Variants in ZC2HC1B observed in about 807,000 individuals in gnomAD.
The protein encoded by ZC2HC1B is zinc finger C2HC domain-containing protein 1B.
ZC2HC1B carries 36 observed loss-of-function variants against 31.0 expected under a neutral mutation model. The observed-to-expected ratio is 1.16, with a 90% CI of 0.89 to 1.54. The LOEUF (loss-of-function observed/expected upper bound fraction) is 1.54. Among genes scored for constraint, ZC2HC1B ranks in the 40% most tolerant of loss-of-function variants. The probability of loss-of-function intolerance (pLI) is 0.00; values close to 1 mark genes in which losing one functional copy is unlikely to be tolerated. For synonymous variants in ZC2HC1B, 73 were observed against 88.0 expected, an observed-to-expected ratio of 0.83 and a Z score of 0.95; for missense variants, 260 against 268.6, an observed-to-expected ratio of 0.97 and a Z score of 0.22.
Position 143,915,261 on chromosome 6 carries a change from T to A in ZC2HC1B, c.598+12109T>A, listed in dbSNP as rs994555522. On this transcript the variant is annotated intron_variant, in intron 6 of 7. Coordinates refer to ENST00000237275, the MANE Select transcript of ZC2HC1B (RefSeq NM_001013623.3). The surrounding 1 kb of genome is among the most constrained non-coding windows in gnomAD (Gnocchi z 5.2). ...TAAAAAGAGGAGTTCCCCTGCACAA[T>A]CTCTGTGGTCTCTTTGCTGCCATGT... 3.3e-5 allele frequency among the ~76,000 whole-genome samples: 5 copies of A among 152,196 alleles called. No homozygotes were observed. The highest frequency in any genetic ancestry group is 1.3e-4 in the Admixed American group (2 of 15,276).
Position 143,933,853 on chromosome 6 carries a change from GC to G in ZC2HC1B, c.599-3791del, listed in dbSNP as rs1018087803. 2.0e-5 allele frequency among the ~76,000 whole-genome samples: 3 copies of G among 152,148 alleles called. No homozygotes were observed. Among genetic ancestry groups the G allele is most frequent in the Non-Finnish European group, 2.9e-5 (2 of 68,028 alleles). On this transcript the variant is annotated intron_variant, in intron 6 of 7. Transcript: ENST00000237275. This position sits in a 1 kb window ranked among gnomAD's most constrained non-coding sequence, Gnocchi z 6.4. ...GTGCTTTCTGCAACAGTTCCTGTTT[GC>G]CCCCAGATTCTTCTCAAGAGGGTTT...
In ZC2HC1B at chr6:143,933,473, G is replaced by C. The variant is rs952762432; in HGVS notation, c.599-4176G>C. ...ATACTATCAGGTGCAGGCAGGATTA[G>C]GTAGGTTTGAGCTCAGACTCTCCTT... On this transcript the variant is annotated intron_variant, in intron 6 of 7. Transcript: ENST00000237275. This position sits in a 1 kb window ranked among gnomAD's most constrained non-coding sequence, Gnocchi z 6.4. Among the ~76,000 whole-genome samples the C allele has an allele frequency of 1.3e-5, 2 of 152,146 alleles. No individual in the cohort carries two copies. Among genetic ancestry groups the C allele is most frequent in the African/African-American group, 2.4e-5 (1 of 41,424 alleles).
intron 6 of ZC2HC1B, among the ~76,000 whole-genome samples, chr6:143,920,705 C>G (rs1207037770): frequency 2.0e-5 from 3 of 151,914 alleles, no homozygotes; most frequent in Non-Finnish European, 2.9e-5. Context: ...GTCAGGAGAT[C>G]GAGACCATCC....
chr6:143,876,511 C>A lies in ZC2HC1B; in HGVS notation c.29-7793C>A, dbSNP rs181335619. ...TATTAAGCAGCCAACTCCAGAAACC[C>A]CAAAACCAATGAAAGAACCCCATTC... On this transcript the variant is annotated intron_variant, in intron 1 of 7. Coordinates refer to ENST00000237275, the MANE Select transcript of ZC2HC1B (RefSeq NM_001013623.3). Among the ~76,000 whole-genome samples the A allele has an allele frequency of 3.3e-5, 5 of 150,416 alleles. No individual in the cohort carries two copies. The East Asian group carries it at 7.7e-4, about 23-fold the overall frequency.
intron 6 of ZC2HC1B, among the ~76,000 whole-genome samples, chr6:143,919,945 GT>G (rs2128496814): frequency 6.6e-6 from 1 of 152,122 alleles, no homozygotes; most frequent in Admixed American, 6.5e-5. Flanking sequence ...CAAGTAATTA[GT>G]TTTTTCCTCA....
rs187460950 is a variant in ZC2HC1B, at chr6:143,895,946, G to A, written c.350-2606G>A. Among the ~76,000 whole-genome samples the A allele has an allele frequency of 2.0e-5, 3 of 152,278 alleles. No individual in the cohort carries two copies. Among genetic ancestry groups the A allele is most frequent in the Non-Finnish European group, 4.4e-5 (3 of 68,012 alleles). ...TAGAGGAAGAGAGGTGACTCCGATT[G>A]AGCTGAGTGTAGAACATGTAGCTCA... On this transcript the variant is annotated intron_variant, in intron 4 of 7. Transcript: ENST00000237275. This position sits in a 1 kb window ranked among gnomAD's most constrained non-coding sequence, Gnocchi z 4.8.
Position 143,870,026 on chromosome 6 carries a change from C to T in ZC2HC1B, c.28+5459C>T, listed in dbSNP as rs1008869690. On this transcript the variant is annotated intron_variant, in intron 1 of 7. Coordinates refer to ENST00000237275, the MANE Select transcript of ZC2HC1B (RefSeq NM_001013623.3). The surrounding 1 kb of genome is among the most constrained non-coding windows in gnomAD (Gnocchi z 4.7). ...ATACAAATATCTTTCCAGTTTTTGA[C>T]CACTCAGAGAGGTCCATCCACATAC... Among the ~76,000 whole-genome samples, 2 of 152,200 alleles carry T rather than the reference C, an allele frequency of 1.3e-5. No individual in the cohort carries two copies. Among genetic ancestry groups the T allele is most frequent in the African/African-American group, 4.8e-5 (2 of 41,438 alleles).
chr6:143,870,318 G>A lies in ZC2HC1B; in HGVS notation c.28+5751G>A, dbSNP rs768872335. ...AAAGGCAGCTGTCCACTTTTGGGTG[G>A]TGCCTCCATATTGTGCAGAACCATC... On this transcript the variant is annotated intron_variant, in intron 1 of 7. Transcript: ENST00000237275. This position sits in a 1 kb window ranked among gnomAD's most constrained non-coding sequence, Gnocchi z 4.7. 2.6e-5 allele frequency among the ~76,000 whole-genome samples: 4 copies of A among 152,138 alleles called. No individual in the cohort carries two copies. The highest frequency in any genetic ancestry group is 5.9e-5 in the Non-Finnish European group (4 of 68,024).
At chr6:143,935,133 C>CTGG (rs1221723970) in intron 6 of ZC2HC1B, among the ~76,000 whole-genome samples, 1 of 82,978 alleles carries the variant, frequency 1.2e-5, no homozygotes, top group Non-Finnish European at 2.3e-5. Context: ...GCTGCAGATG[C>CTGG]TGGTGGTGGT....
chr6:143,871,626 C>A lies in ZC2HC1B; in HGVS notation c.28+7059C>A, dbSNP rs1397927927. 6.6e-6 allele frequency among the ~76,000 whole-genome samples: 1 copy of A among 152,180 alleles called. No homozygotes were observed. The highest frequency in any genetic ancestry group is 1.9e-4 in the East Asian group (1 of 5,198). On this transcript the variant is annotated intron_variant, in intron 1 of 7. Coordinates refer to ENST00000237275, the MANE Select transcript of ZC2HC1B (RefSeq NM_001013623.3). The surrounding 1 kb of genome is among the most constrained non-coding windows in gnomAD (Gnocchi z 4.1). ...GCACAGGCCAAATGGGAGAGTTGAA[C>A]AGGGATGTGGTAGGAATCACCACCC...
rs1777354258 is a variant in ZC2HC1B at position 143,872,605 on chromosome 6, G to GA, written c.28+8043dup. Among the ~76,000 whole-genome samples the GA allele has an allele frequency of 6.6e-6, 1 of 152,146 alleles. No homozygotes were observed. Among genetic ancestry groups the GA allele is most frequent in the African/African-American group, 2.4e-5 (1 of 41,424 alleles). On this transcript the variant is annotated intron_variant, in intron 1 of 7. Transcript: ENST00000237275. This position sits in a 1 kb window ranked among gnomAD's most constrained non-coding sequence, Gnocchi z 5.5. ...ATAAAGACATACCTGAGACTGGGAA[G>GA]AAAAAGAGGTTTAATCAGACTTACA...
At position 143,922,369 on chromosome 6, in the gene ZC2HC1B, A is replaced by G. The variant is rs1443017865; in HGVS notation, c.599-15280A>G. On this transcript the variant is annotated intron_variant, in intron 6 of 7. Coordinates refer to ENST00000237275, the MANE Select transcript of ZC2HC1B (RefSeq NM_001013623.3). This position sits in a 1 kb window ranked among gnomAD's most constrained non-coding sequence, Gnocchi z 5.0. ...CCAGTTATTCTGAAATATGGAATAT[A>G]TTGTTGTTAACTGCAGTCACCCTAC... 6.6e-6 allele frequency among the ~76,000 whole-genome samples: 1 copy of G among 152,188 alleles called. No homozygotes were observed. The highest frequency in any genetic ancestry group is 2.4e-5 in the African/African-American group (1 of 41,458).
At chr6:143,882,299 C>T (rs1322217230) in intron 1 of ZC2HC1B, among the ~76,000 whole-genome samples, 10 of 130,946 alleles carry the variant, frequency 7.6e-5, no homozygotes, top group Admixed American at 7.0e-4. Context: ...GTTGTGGTAC[C>T]CTTGCTTAAA....
At chr6:143,893,350 A>G (rs1777622084) in intron 4 of ZC2HC1B, among the ~76,000 whole-genome samples, 1 of 152,132 alleles carries the variant, frequency 6.6e-6, no homozygotes, top group Non-Finnish European at 1.5e-5. Flanking sequence ...GGATCCCTTG[A>G]GGCCGGGAGT....
At position 143,917,963 on chromosome 6, in the gene ZC2HC1B, C is replaced by T. The variant is rs1777938051; in HGVS notation, c.598+14811C>T. ...GAAAACAAAAAAGTGGAGTTGCAAA[C>T]CATTATTACAATAGTACTAGCTTTT... On this transcript the variant is annotated intron_variant, in intron 6 of 7. Coordinates refer to ENST00000237275, the MANE Select transcript of ZC2HC1B (RefSeq NM_001013623.3). The surrounding 1 kb of genome is among the most constrained non-coding windows in gnomAD (Gnocchi z 4.1). Among the ~76,000 whole-genome samples, 1 of 152,166 alleles carries T rather than the reference C, an allele frequency of 6.6e-6. No individual in the cohort carries two copies. The highest frequency in any genetic ancestry group is 1.5e-5 in the Non-Finnish European group (1 of 68,034).
intron 4 of ZC2HC1B, among the ~76,000 whole-genome samples, chr6:143,896,440 T>C (rs1003662499): frequency 6.6e-6 from 1 of 152,226 alleles, no homozygotes; most frequent in Non-Finnish European, 1.5e-5. Flanking sequence ...ACCACCAAGC[T>C]AAAAGCCATG....
At chr6:143,930,194 T>C (rs1778101802) in intron 6 of ZC2HC1B, among the ~76,000 whole-genome samples, 1 of 152,062 alleles carries the variant, frequency 6.6e-6, no homozygotes, top group African/African-American at 2.4e-5. Flanking sequence ...TAATTCAGGA[T>C]CTTTCTTTTT....
chr6:143,893,367 C>A (rs1777622545), intron 4 of ZC2HC1B, among the ~76,000 whole-genome samples: 1 of 152,070 alleles, frequency 6.6e-6, no homozygotes, highest in Non-Finnish European at 1.5e-5. Context: ...GAGTTTGAGA[C>A]CAGCCCGGCC....
Position 143,885,809 on chromosome 6 carries a change from G to A in ZC2HC1B, c.91-223G>A, listed in dbSNP as rs572620234. ...ACCCAAATTTGAAGTAAGTCTTTTA[G>A]CTATAAAGGCATTTTATTGTCTTTG... On this transcript the variant is annotated intron_variant, in intron 2 of 7. Coordinates refer to ENST00000237275, the MANE Select transcript of ZC2HC1B (RefSeq NM_001013623.3). The surrounding 1 kb of genome is among the most constrained non-coding windows in gnomAD (Gnocchi z 4.2). 6.6e-6 allele frequency among the ~76,000 whole-genome samples: 1 copy of A among 152,292 alleles called. No individual in the cohort carries two copies. Among genetic ancestry groups the A allele is most frequent in the East Asian group, 1.9e-4 (1 of 5,188 alleles).
Sources: gnomAD v4.1 joint callset for allele counts (sites outside exome capture counted in the v4.1 genomes callset) on GRCh38, gnomAD v4.1.1 for gene constraint, Gnocchi (gnomAD v3.1) non-coding constraint, MANE v1.5 for transcripts, NCBI Gene and HGNC (gene_info 2026-07-23, HGNC 2026-07-21) for gene names.